The following RAD51B variants were observed in gnomAD, a reference collection of about 807,000 sequenced individuals.
RAD51B encodes DNA repair protein RAD51 homolog 2.
In RAD51B, 38 loss-of-function variants were observed where a neutral mutation model predicts 42.2. That is an observed-to-expected ratio of 0.90 (90% CI 0.70 to 1.18). The LOEUF is 1.18. Ranked by LOEUF, RAD51B falls within the 50% of genes most tolerant of loss-of-function variation. The pLI, the probability that RAD51B is intolerant of heterozygous loss-of-function variation, is 0.00. For missense variants in RAD51B, 373 were observed against 400.7 expected (o/e 0.93, Z 0.59); for synonymous variants, 154 against 145.2 (o/e 1.06, Z -0.43).
At chr14:67,913,028 C>T (rs1015248162) in intron 7 of RAD51B, among the ~76,000 whole-genome samples, 3 of 152,136 alleles carry the variant, frequency 2.0e-5, no homozygotes, top group Admixed American at 2.0e-4. Flanking sequence ...TTTTAAGCTC[C>T]TCCTGACTTC....
chr14:68,324,980 C>G (rs2082222712), intron 8 of RAD51B, among the ~76,000 whole-genome samples: 1 of 152,220 alleles, frequency 6.6e-6, no homozygotes, highest in Non-Finnish European at 1.5e-5. Flanking sequence ...GCAACTAACA[C>G]AGTGCCTTAC....
chr14:68,058,942 C>T (rs957642239), intron 7 of RAD51B, among the ~76,000 whole-genome samples: 2 of 152,150 alleles, frequency 1.3e-5, no homozygotes, highest in Admixed American at 6.6e-5. Flanking sequence ...TGATGTCATA[C>T]AAGAGACATC....
At chr14:67,849,582 C>A (rs967634920) in intron 4 of RAD51B, among the ~76,000 whole-genome samples, 24 of 152,088 alleles carry the variant, frequency 1.6e-4, no homozygotes, top group African/African-American at 5.8e-4. Context: ...TGCACCTGGC[C>A]TAAAATTGTT....
intron 8 of RAD51B, among the ~76,000 whole-genome samples, chr14:68,408,244 G>T (rs2084330501): frequency 6.6e-6 from 1 of 152,180 alleles, no homozygotes; most frequent in African/African-American, 2.4e-5. Context: ...TCAATTTATT[G>T]CAAGTGAGAA....
At chr14:68,568,155 C>T (rs1594981441) in intron 10 of RAD51B, among the ~76,000 whole-genome samples, 1 of 152,206 alleles carries the variant, frequency 6.6e-6, no homozygotes. Flanking sequence ...TTCCTACCCT[C>T]TGAGAAACTA....
intron 8 of RAD51B, among the ~76,000 whole-genome samples, chr14:68,331,127 G>A (rs937532798): frequency 1.3e-5 from 2 of 151,980 alleles, no homozygotes; most frequent in African/African-American, 4.8e-5. Flanking sequence ...ACTTTGGAAG[G>A]CCAAGGCGGG....
At chr14:68,290,358 G>A (rs76050466) in intron 7 of RAD51B, among the ~76,000 whole-genome samples, 2,735 of 152,248 alleles carry the variant, frequency 0.018, 70 homozygotes, top group African/African-American at 0.061. Context: ...GAAAATGATT[G>A]TGGTATTCAT....
rs34436700 is a variant in RAD51B, at chr14:68,468,143, A to C, written c.958-29A>C. On this transcript the variant is annotated intron_variant, in intron 9 of 10. Coordinates refer to ENST00000471583, the MANE Select transcript of RAD51B (RefSeq NM_133510.4). Reference sequence around the variant, plus strand: ...GAGGCCCATCCCTGATCCTTTGACTAACCCTAGAAAAATGTGCTTTATGTG... The same window carrying C: ...GAGGCCCATCCCTGATCCTTTGACTCACCCTAGAAAAATGTGCTTTATGTG... 6 of 1,596,768 alleles carry C rather than the reference A, an allele frequency of 3.8e-6. No homozygotes were observed. The South Asian group carries it at 6.6e-5, about 18-fold the overall frequency.
intron 7 of RAD51B, among the ~76,000 whole-genome samples, chr14:68,036,415 C>A (rs987981346): frequency 1.3e-5 from 2 of 152,168 alleles, no homozygotes; most frequent in Admixed American, 1.3e-4. Context: ...GTGCTCCCGT[C>A]AGAGTTTCGC....
intron 7 of RAD51B, among the ~76,000 whole-genome samples, chr14:67,888,754 G>T (rs2043134972): frequency 6.6e-6 from 1 of 152,110 alleles, no homozygotes; most frequent in South Asian, 2.1e-4. Flanking sequence ...TTGATTTAAA[G>T]TATACCAGAG....
chr14:68,196,461 T>C (rs2079376251), intron 7 of RAD51B, among the ~76,000 whole-genome samples: 1 of 152,118 alleles, frequency 6.6e-6, no homozygotes, highest in South Asian at 2.1e-4. Flanking sequence ...CACTCTTTCC[T>C]ACTTCTCCAC....
At chr14:68,504,180 A>C (rs532880969) in intron 10 of RAD51B, among the ~76,000 whole-genome samples, 2 of 152,236 alleles carry the variant, frequency 1.3e-5, no homozygotes, top group Non-Finnish European at 2.9e-5. Flanking sequence ...TCGGGGCGCA[A>C]TGACTCTCCA....
At chr14:68,075,640 G>A (rs933307196) in intron 7 of RAD51B, among the ~76,000 whole-genome samples, 1 of 152,218 alleles carries the variant, frequency 6.6e-6, no homozygotes, top group Non-Finnish European at 1.5e-5. Flanking sequence ...CAGTGACAGA[G>A]GGGCTGGCAG....
chr14:68,197,948 T>G (rs934982024), intron 7 of RAD51B, among the ~76,000 whole-genome samples: 16 of 151,584 alleles, frequency 1.1e-4, no homozygotes, highest in African/African-American at 3.4e-4. Context: ...TTTTACCTTC[T>G]TACTGGTGTC....
chr14:68,434,345 G>A (rs573408966), intron 9 of RAD51B, among the ~76,000 whole-genome samples: 3 of 152,262 alleles, frequency 2.0e-5, no homozygotes, highest in East Asian at 1.9e-4. Context: ...CCCAGAGGTG[G>A]AGTCTACAGA....
chr14:68,215,111 A>G (rs925940598), intron 7 of RAD51B, among the ~76,000 whole-genome samples: 2 of 152,232 alleles, frequency 1.3e-5, no homozygotes, highest in East Asian at 1.9e-4. Context: ...AGTATGTTCA[A>G]TTCTCTCCTG....
intron 7 of RAD51B, among the ~76,000 whole-genome samples, chr14:68,126,224 T>C (rs2077756553): frequency 6.6e-6 from 1 of 152,228 alleles, no homozygotes; most frequent in South Asian, 2.1e-4. Context: ...CTTTTAAATA[T>C]TCGTATTCAT....
chr14:68,291,050 C>T (rs1017578891), intron 7 of RAD51B, among the ~76,000 whole-genome samples: 7 of 151,970 alleles, frequency 4.6e-5, no homozygotes, highest in East Asian at 1.9e-4. Flanking sequence ...TCAGGCGATT[C>T]GCCCGCCTCA....
chr14:67,930,279 A>C (rs1294697363), intron 7 of RAD51B, among the ~76,000 whole-genome samples: 2 of 148,398 alleles, frequency 1.3e-5, no homozygotes, highest in African/African-American at 2.5e-5. Context: ...TGGCTTTTTC[A>C]CTTGTGTATT....
Sources: allele counts gnomAD v4.1 joint callset (sites outside exome capture counted in the v4.1 genomes callset), GRCh38; gene constraint gnomAD v4.1.1; transcripts MANE v1.5; gene names NCBI Gene and HGNC (gene_info 2026-07-23, HGNC 2026-07-21).